CCDC178: variants seen among roughly 807,000 people sequenced by gnomAD.
CCDC178 encodes coiled-coil domain-containing protein 178.
In CCDC178, 126 loss-of-function variants were observed where a neutral mutation model predicts 117.4. The observed-to-expected ratio is 1.07, with a 90% CI of 0.93 to 1.24. The LOEUF (loss-of-function observed/expected upper bound fraction) is 1.24. CCDC178 is among the 50% of genes most tolerant of loss of function. CCDC178 has a pLI of 0.00. For missense variants in CCDC178, 1,030 were observed against 986.9 expected (o/e 1.04, Z -0.59); for synonymous variants, 283 against 313.4 (o/e 0.90, Z 1.02).
chr18:33,250,191 A>T (rs190136054), intron 14 of CCDC178, among the ~76,000 whole-genome samples: 209 of 151,944 alleles, frequency 1.4e-3, no homozygotes, highest in African/African-American at 4.8e-3. Flanking sequence ...ATTGTGAAAA[A>T]TTATTATTTA....
At chr18:33,030,270 A>T (rs1053283030) in intron 21 of CCDC178, among the ~76,000 whole-genome samples, 3 of 152,056 alleles carry the variant, frequency 2.0e-5, no homozygotes, top group Non-Finnish European at 2.9e-5. Flanking sequence ...ATATTAGTAC[A>T]CATATTCTAG....
intron 5 of CCDC178, among the ~76,000 whole-genome samples, chr18:33,378,798 G>A (rs573062897): frequency 1.3e-5 from 2 of 152,200 alleles, no homozygotes; most frequent in African/African-American, 4.8e-5. Context: ...ACTTGATCAT[G>A]GTGAATTAAC....
intron 4 of CCDC178, 103 bp downstream of exon 4, chr18:33,397,046 C>T: frequency 2.7e-6 from 2 of 735,958 alleles, no homozygotes; most frequent in East Asian, 2.6e-5. Flanking sequence ...TTAGGAAGAA[C>T]AGAAGAATGC....
intron 21 of CCDC178, among the ~76,000 whole-genome samples, chr18:33,000,225 T>C (rs1445673729): frequency 1.3e-5 from 2 of 151,726 alleles, no homozygotes; most frequent in African/African-American, 4.8e-5. Context: ...CAGAGTCTCT[T>C]AGCAGAAGGA....
chr18:33,015,016 G>A (rs1598790086), intron 21 of CCDC178, among the ~76,000 whole-genome samples: 2 of 152,174 alleles, frequency 1.3e-5, no homozygotes, highest in East Asian at 1.9e-4. Context: ...AGCACTTTGG[G>A]AGGCCGAGGC....
intron 12 of CCDC178, among the ~76,000 whole-genome samples, chr18:33,292,955 G>A (rs75373201): frequency 0.016 from 2,476 of 152,066 alleles, 67 homozygotes; most frequent in African/African-American, 0.057. Flanking sequence ...TCTGACTTAC[G>A]AAAAGGTTGA....
At chr18:32,950,649 G>C (rs1447647888) in intron 22 of CCDC178, among the ~76,000 whole-genome samples, 2 of 152,088 alleles carry the variant, frequency 1.3e-5, no homozygotes, top group Non-Finnish European at 2.9e-5. Context: ...TGGCTGTGTG[G>C]GGCCCCAGTG....
Position 33,389,140 on chromosome 18 carries a change from TTAAAA to T in CCDC178, c.208+395_208+399del, listed in dbSNP as rs374243149. Reference sequence around the variant, plus strand: ...ACATCCTGCACATGTACCCTGGAACTTAAAATAAAATAAAATAAAATAATTATTTA... The same window carrying T: ...ACATCCTGCACATGTACCCTGGAACTTAAAATAAAATAAAATAATTATTTA... On this transcript the variant is annotated intron_variant, in intron 5 of 22. Transcript: ENST00000383096. Among the ~76,000 whole-genome samples the T allele has an allele frequency of 1.7e-3, 258 of 152,118 alleles. 2 individuals carry two copies. Among genetic ancestry groups the T allele is most frequent in the African/African-American group, 5.9e-3 (245 of 41,508 alleles).
intron 11 of CCDC178, among the ~76,000 whole-genome samples, chr18:33,319,212 C>T (rs1393717129): frequency 6.6e-6 from 1 of 151,656 alleles, no homozygotes; most frequent in Non-Finnish European, 1.5e-5. Flanking sequence ...TCATGACAGG[C>T]CCCAGTGTGT....
In CCDC178 at chr18:33,376,555, T is replaced by C. The variant is rs1256105694; in HGVS notation, c.209-6366A>G. Among the ~76,000 whole-genome samples the C allele has an allele frequency of 2.0e-5, 3 of 152,116 alleles. No individual in the cohort carries two copies. The East Asian group carries it at 5.8e-4, about 29-fold the overall frequency. Reference sequence around the variant, plus strand: ...TATGATTGCTTCTGTCACCCAGGTATTGAGCATAGTACATAATGGTTAGTT... The same window carrying C: ...TATGATTGCTTCTGTCACCCAGGTACTGAGCATAGTACATAATGGTTAGTT... On this transcript the variant is annotated intron_variant, in intron 5 of 22. Coordinates refer to ENST00000383096, the MANE Select transcript of CCDC178 (RefSeq NM_001105528.4).
chr18:33,286,747 G>C, intron 12 of CCDC178, among the ~76,000 whole-genome samples: 1 of 152,038 alleles, frequency 6.6e-6, no homozygotes, highest in Non-Finnish European at 1.5e-5. Flanking sequence ...ATAATTTTGT[G>C]TGTCTATGTG....
At chr18:33,317,348 A>C (rs2062433992) in intron 11 of CCDC178, among the ~76,000 whole-genome samples, 1 of 152,148 alleles carries the variant, frequency 6.6e-6, no homozygotes, top group South Asian at 2.1e-4. Flanking sequence ...TGAGCCAGCA[A>C]GACCACGAAC....
At chr18:33,113,102 T>C (rs960087139) in intron 20 of CCDC178, among the ~76,000 whole-genome samples, 1 of 152,012 alleles carries the variant, frequency 6.6e-6, no homozygotes, top group African/African-American at 2.4e-5. Flanking sequence ...CCCCATGGAC[T>C]ATCCAATGAC....
upstream of CCDC178, chr18:33,440,730 A>T (rs2064376700): frequency 6.5e-6 from 1 of 153,218 alleles, no homozygotes; most frequent in Non-Finnish European, 1.5e-5. Context: ...TCGAGGCCCC[A>T]AGTCGGTTAT....
intron 11 of CCDC178, among the ~76,000 whole-genome samples, chr18:33,310,601 G>C (rs2062327326): frequency 6.6e-6 from 1 of 152,110 alleles, no homozygotes; most frequent in African/African-American, 2.4e-5. Flanking sequence ...AGGGAGAATT[G>C]CTTGAGCCCA....
chr18:33,427,628 G>A (rs535593233), intron 2 of CCDC178, among the ~76,000 whole-genome samples: 1 of 152,124 alleles, frequency 6.6e-6, no homozygotes, highest in African/African-American at 2.4e-5. Context: ...TACATCTCAT[G>A]GTTTTGCTAA....
At chr18:33,328,355 C>T (rs2062617419) in intron 10 of CCDC178, among the ~76,000 whole-genome samples, 2 of 152,064 alleles carry the variant, frequency 1.3e-5, no homozygotes, top group Admixed American at 6.5e-5. Context: ...CCCACCTCAG[C>T]CTCCCAAAGT....
intron 11 of CCDC178, 182 bp downstream of exon 11, chr18:33,323,309 T>TTTTACATATATGAAATATATATCTTTTTA (rs2062539418): frequency 2.9e-6 from 1 of 349,294 alleles, no homozygotes; most frequent in Admixed American, 4.7e-5. Flanking sequence ...GCACAAATAA[T>TTTTACATATATGAAATATATATCTTTTTA]TTTACATATA....
At chr18:33,056,738 A>G (rs2056836699) in intron 21 of CCDC178, among the ~76,000 whole-genome samples, 1 of 152,182 alleles carries the variant, frequency 6.6e-6, no homozygotes, top group Admixed American at 6.5e-5. Context: ...ATTCAATGCT[A>G]AAGGGAGATC....
Sources: gnomAD v4.1 joint callset for allele counts (sites outside exome capture counted in the v4.1 genomes callset) on GRCh38, gnomAD v4.1.1 for gene constraint, MANE v1.5 for transcripts, NCBI Gene and HGNC (gene_info 2026-07-23, HGNC 2026-07-21) for gene names.